ZFHX3: variants seen among roughly 807,000 people sequenced by gnomAD.
ZFHX3 encodes zinc finger homeobox 3, also known as zinc finger homeobox protein 3.
ZFHX3 carries 42 observed loss-of-function variants against 279.1 expected under a neutral mutation model. The ratio of observed to expected loss-of-function variants is 0.15; its 90% CI spans 0.12 to 0.19. The LOEUF is 0.19. Among genes scored for constraint, ZFHX3 ranks in the 10% least tolerant of loss-of-function variants. The pLI is 1.00. For missense variants in ZFHX3, 4,981 were observed against 4,754.0 expected, an observed-to-expected ratio of 1.05 and a Z score of -1.40; for synonymous variants, 2,293 against 1,957.8, an observed-to-expected ratio of 1.17 and a Z score of -4.52.
Position 73,222,318 on chromosome 16 carries a change from C to T in ZFHX3, c.-1104+34729G>A, listed in dbSNP as rs141277505. ...AGATGATATCGTCTATGTAGGAAAT[C>T]TGAAAAAAATCAACAAAAAGCCCTC... On this transcript the variant is annotated intron_variant, in intron 5 of 17. Coordinates refer to the ZFHX3 transcript ENST00000641206. Among the ~76,000 whole-genome samples, 601 of 151,944 alleles carry T rather than the reference C, an allele frequency of 4.0e-3. 4 individuals are homozygous for T. The highest frequency in any genetic ancestry group is 0.014 in the African/African-American group (585 of 41,476).
chr16:73,226,143 G>T (rs866025003), intron 5 of ZFHX3, among the ~76,000 whole-genome samples: 2 of 152,202 alleles, frequency 1.3e-5, no homozygotes, highest in Non-Finnish European at 2.9e-5. Flanking sequence ...AAACACTCAG[G>T]TCAGTCACTA....
At chr16:73,023,718 A>C (rs1331603695) in intron 1 of ZFHX3, among the ~76,000 whole-genome samples, 1 of 152,204 alleles carries the variant, frequency 6.6e-6, no homozygotes, top group African/African-American at 2.4e-5. Context: ...TCAGAGCTCA[A>C]ATCCATAACC....
At chr16:72,792,204 A>G (rs563304266) in intron 9 of ZFHX3, among the ~76,000 whole-genome samples, 5 of 152,356 alleles carry the variant, frequency 3.3e-5, no homozygotes, top group African/African-American at 1.2e-4. Context: ...AAGTGAGACT[A>G]TAAGAGCAAC....
chr16:72,984,872 G>A (rs1387492446), intron 1 of ZFHX3, among the ~76,000 whole-genome samples: 2 of 151,964 alleles, frequency 1.3e-5, no homozygotes, highest in African/African-American at 4.8e-5. Context: ...ACATATGTAT[G>A]TATACATGTA....
At chr16:73,293,694 A>G (rs1428717114) in intron 4 of ZFHX3, among the ~76,000 whole-genome samples, 2 of 152,238 alleles carry the variant, frequency 1.3e-5, no homozygotes, top group African/African-American at 4.8e-5. Context: ...TGGATGTAAT[A>G]GAAGAACGTG....
chr16:73,615,252 G>A lies in ZFHX3; in HGVS notation c.-1547+64928C>T, dbSNP rs796943376. Reference sequence around the variant, plus strand: ...CAGGCAAATGAACCATGCATGTCCCGAGACAACTGCTGAGGGCAGACCAGA... The same window carrying A: ...CAGGCAAATGAACCATGCATGTCCCAAGACAACTGCTGAGGGCAGACCAGA... On this transcript the variant is annotated intron_variant, in intron 2 of 17. Transcript: ENST00000641206. 2.0e-4 allele frequency among the ~76,000 whole-genome samples: 31 copies of A among 152,108 alleles called. 1 individual carries two copies. Among genetic ancestry groups the A allele is most frequent in the African/African-American group, 7.5e-4 (31 of 41,502 alleles).
chr16:73,343,490 C>T (rs758320049), intron 3 of ZFHX3, among the ~76,000 whole-genome samples: 79 of 152,140 alleles, frequency 5.2e-4, no homozygotes, highest in African/African-American at 1.8e-3. Flanking sequence ...TTTGGGAGGC[C>T]GAGGTGGGAG....
In ZFHX3 at chr16:73,151,931, C is replaced by G. The variant is rs376233289; in HGVS notation, c.-1103-8100G>C. ...AGAAAAGACCCACCCCCACCCCACC[C>G]ACACAGAAAAAAACAGAAAAGGAGA... On this transcript the variant is annotated intron_variant, in intron 5 of 17. Coordinates refer to the ZFHX3 transcript ENST00000641206. Among the ~76,000 whole-genome samples the G allele has an allele frequency of 1.0e-3, 144 of 144,286 alleles. 1 individual carries two copies. Among genetic ancestry groups the G allele is most frequent in the African/African-American group, 3.3e-3 (131 of 39,634 alleles). The allele number at this position is 144,286 out of a possible 152,430, so 94.7% of individuals were successfully genotyped here.
chr16:73,227,936 A>T (rs2012655624), intron 5 of ZFHX3, among the ~76,000 whole-genome samples: 1 of 150,884 alleles, frequency 6.6e-6, no homozygotes, highest in African/African-American at 2.4e-5. Flanking sequence ...AGCCTTCATT[A>T]TGTATAGACT....
intron 3 of ZFHX3, among the ~76,000 whole-genome samples, chr16:73,454,414 G>A (rs1423767721): frequency 2.0e-5 from 3 of 152,136 alleles, no homozygotes; most frequent in Admixed American, 1.3e-4. Context: ...GATCCCAAAG[G>A]AATAAATATC....
intron 1 of ZFHX3, among the ~76,000 whole-genome samples, chr16:72,965,422 A>G (rs1480845143): frequency 6.6e-6 from 1 of 152,200 alleles, no homozygotes; most frequent in African/African-American, 2.4e-5. Context: ...AAGAGAGGAT[A>G]AAGGAGGTAG....
At chr16:73,093,962 T>C (rs1393055767) in intron 7 of ZFHX3, among the ~76,000 whole-genome samples, 5 of 152,178 alleles carry the variant, frequency 3.3e-5, no homozygotes, top group Non-Finnish European at 1.5e-5. Flanking sequence ...GGGTGAGTCC[T>C]GGCCCTGCTC....
intron 3 of ZFHX3, among the ~76,000 whole-genome samples, chr16:73,322,696 T>G (rs182342369): frequency 1.0e-3 from 153 of 152,326 alleles, no homozygotes; most frequent in African/African-American, 3.6e-3. Context: ...TCCAAAGACA[T>G]AGACCATTAT....
intron 5 of ZFHX3, among the ~76,000 whole-genome samples, chr16:73,254,690 A>G (rs2013611616): frequency 6.6e-6 from 1 of 152,194 alleles, no homozygotes; most frequent in African/African-American, 2.4e-5. Flanking sequence ...GATTTTATGC[A>G]ATCAGATTCT....
At chr16:73,336,585 G>T (rs910558176) in intron 3 of ZFHX3, among the ~76,000 whole-genome samples, 3 of 152,070 alleles carry the variant, frequency 2.0e-5, no homozygotes, top group Non-Finnish European at 4.4e-5. Flanking sequence ...TTTTATGACT[G>T]TGTAGTAGTT....
intron 3 of ZFHX3, among the ~76,000 whole-genome samples, chr16:73,370,527 C>T (rs1254326952): frequency 6.6e-6 from 1 of 152,120 alleles, no homozygotes; most frequent in Admixed American, 6.6e-5. Context: ...CTCAGAGCTC[C>T]CTGGAGTGGC....
Position 73,749,934 on chromosome 16 carries a change from G to A in ZFHX3, c.-1607-69694C>T, listed in dbSNP as rs73600014. ...CCAGTGGTAAGTAACTGTCTCCTTG[G>A]CCTCCCAAACCATACTTACTAGCCT... On this transcript the variant is annotated intron_variant, in intron 1 of 17. Transcript: ENST00000641206. Among the ~76,000 whole-genome samples, 871 of 152,270 alleles carry A rather than the reference G, an allele frequency of 5.7e-3. 11 individuals are homozygous for A. The highest frequency in any genetic ancestry group is 0.02 in the African/African-American group (841 of 41,554).
chr16:73,690,438 CA>C, intron 1 of ZFHX3, among the ~76,000 whole-genome samples: 1 of 152,316 alleles, frequency 6.6e-6, no homozygotes. Flanking sequence ...GCACACTCCT[CA>C]AAAACTTTTC....
At chr16:73,328,329 A>C (rs2015733522) in intron 3 of ZFHX3, among the ~76,000 whole-genome samples, 1 of 152,214 alleles carries the variant, frequency 6.6e-6, no homozygotes, top group Admixed American at 6.5e-5. Context: ...TCTGGTCAAT[A>C]TCAGGAAATA....
Sources: gnomAD v4.1 joint callset for allele counts (sites outside exome capture counted in the v4.1 genomes callset) on GRCh38, gnomAD v4.1.1 for gene constraint, MANE v1.5 for transcripts, NCBI Gene and HGNC (gene_info 2026-07-23, HGNC 2026-07-21) for gene names.